The following LRRC37A2 variants were observed in gnomAD, a reference collection of about 807,000 sequenced individuals.
The protein encoded by LRRC37A2 is leucine rich repeat containing 37 member A2.
A neutral mutation model predicts 68.8 loss-of-function variants in LRRC37A2; 9 were observed. The observed-to-expected ratio is 0.13, with a 90% confidence interval of 0.08 to 0.23. The LOEUF is 0.23. Ranked by LOEUF, LRRC37A2 falls within the 10% of genes least tolerant of loss-of-function variation. The probability of loss-of-function intolerance (pLI) is 1.00; values close to 1 mark genes in which losing one functional copy is unlikely to be tolerated. For missense variants in LRRC37A2, 168 were observed against 950.4 expected (o/e 0.18, Z 10.82); for synonymous variants, 63 against 367.6 (o/e 0.17, Z 9.48).
the LRRC37A2 span, among the ~76,000 whole-genome samples, chr17:46,760,305 T>C: frequency 2.0e-5 from 3 of 151,956 alleles, no homozygotes; most frequent in South Asian, 6.2e-4. Flanking sequence ...TTAGTATGAA[T>C]AGGGACCATT....
the LRRC37A2 span, among the ~76,000 whole-genome samples, chr17:46,871,038 G>A: frequency 6.7e-6 from 1 of 149,812 alleles, no homozygotes. Context: ...AGCCTCCCAA[G>A]TAGCTGGGAC....
chr17:46,935,072 A>G, the LRRC37A2 span: 1 of 1,612,248 alleles, frequency 6.2e-7, no homozygotes, highest in South Asian at 1.1e-5. Context: ...CTGCAGTTTA[A>G]CTCCTCCCTC....
the LRRC37A2 span, among the ~76,000 whole-genome samples, chr17:46,771,826 C>G: frequency 7.0e-6 from 1 of 143,186 alleles, no homozygotes; most frequent in African/African-American, 2.5e-5. Flanking sequence ...GGCGGCCGCG[C>G]GGTGGGGGGG....
the LRRC37A2 span, chr17:46,768,882 C>A: frequency 6.4e-7 from 1 of 1,553,876 alleles, no homozygotes; most frequent in Middle Eastern, 2.3e-4. The surrounding 1 kb of genome is among the most constrained non-coding windows in gnomAD (Gnocchi z 5.0). Flanking sequence ...CCACTGCCCA[C>A]CCCCTTCCCT....
the LRRC37A2 span, chr17:46,935,272 A>C: frequency 6.2e-7 from 1 of 1,600,580 alleles, no homozygotes; most frequent in Non-Finnish European, 8.5e-7. Context: ...TCAAATTGTG[A>C]TATTTTGATG....
the LRRC37A2 span, among the ~76,000 whole-genome samples, chr17:46,796,999 T>A: frequency 6.6e-6 from 1 of 152,150 alleles, no homozygotes; most frequent in African/African-American, 2.4e-5. Flanking sequence ...CTCGATCCCA[T>A]TTTCCAAATG....
the LRRC37A2 span, among the ~76,000 whole-genome samples, chr17:46,861,940 G>A: frequency 6.6e-6 from 1 of 152,134 alleles, no homozygotes; most frequent in Non-Finnish European, 1.5e-5. Flanking sequence ...GAGGCAGGTG[G>A]ATCACCTGAG....
chr17:46,768,167 C>T, the LRRC37A2 span: 2 of 1,213,828 alleles, frequency 1.6e-6, no homozygotes, highest in Non-Finnish European at 2.3e-6. This position sits in a 1 kb window ranked among gnomAD's most constrained non-coding sequence, Gnocchi z 5.0. Context: ...CTTGAAAAAT[C>T]CTAGCTTCCT....
At chr17:46,717,508 C>G in the LRRC37A2 span, among the ~76,000 whole-genome samples, 1 of 152,036 alleles carries the variant, frequency 6.6e-6, no homozygotes, top group African/African-American at 2.4e-5. Flanking sequence ...GTCAGGAGTT[C>G]GAGACCAGCC....
the LRRC37A2 span, chr17:46,941,998 AAATT>A: frequency 2.1e-6 from 2 of 973,554 alleles, no homozygotes; most frequent in South Asian, 9.5e-5. Flanking sequence ...AGTCCAAAAT[AAATT>A]CTTACTGTTT....
the LRRC37A2 span, among the ~76,000 whole-genome samples, chr17:46,875,657 A>G: frequency 1.3e-5 from 2 of 152,206 alleles, no homozygotes; most frequent in Non-Finnish European, 1.5e-5. Flanking sequence ...AAGCAGGGAC[A>G]TGTTTGGAGA....
the LRRC37A2 span, chr17:46,923,956 A>G: frequency 6.1e-4 from 242 of 398,262 alleles, 2 homozygotes; most frequent in African/African-American, 4.8e-3. Flanking sequence ...ACGGAATTTT[A>G]TGATTTTTAT....
the LRRC37A2 span, chr17:46,711,008 G>A: frequency 3.1e-5 from 49 of 1,596,538 alleles, no homozygotes; most frequent in East Asian, 4.6e-5. Flanking sequence ...CATTATGAAC[G>A]GTATCATCAA....
chr17:46,718,933 T>C, the LRRC37A2 span, among the ~76,000 whole-genome samples: 1 of 152,218 alleles, frequency 6.6e-6, no homozygotes, highest in African/African-American at 2.4e-5. Context: ...ATTAGTATTG[T>C]AAAGATTTTT....
chr17:46,905,936 G>T, the LRRC37A2 span, among the ~76,000 whole-genome samples: 1 of 152,148 alleles, frequency 6.6e-6, no homozygotes, highest in Non-Finnish European at 1.5e-5. Context: ...AGCAATGAGG[G>T]AGTGGCCAGG....
the LRRC37A2 span, among the ~76,000 whole-genome samples, chr17:46,741,911 A>G: frequency 9.9e-5 from 15 of 152,268 alleles, no homozygotes; most frequent in Middle Eastern, 3.4e-3. Context: ...GATTACAGGC[A>G]TGTGCCACCA....
At chr17:46,709,076 G>A in the LRRC37A2 span, among the ~76,000 whole-genome samples, 6 of 151,626 alleles carry the variant, frequency 4.0e-5, no homozygotes, top group African/African-American at 1.5e-4. Flanking sequence ...ACCCACCTTG[G>A]CCTCCCAAAG....
the LRRC37A2 span, among the ~76,000 whole-genome samples, chr17:46,742,808 A>G: frequency 6.6e-6 from 1 of 152,246 alleles, no homozygotes; most frequent in Admixed American, 6.5e-5. Context: ...GGCTAGAAAC[A>G]AGATTCAGGC....
chr17:46,688,172 A>G, the LRRC37A2 span, among the ~76,000 whole-genome samples: 4 of 145,572 alleles, frequency 2.7e-5, no homozygotes, highest in South Asian at 6.5e-4. Context: ...ATAGCTAGGA[A>G]TCTTTATGAA....
Sources: allele counts gnomAD v4.1 joint callset (sites outside exome capture counted in the v4.1 genomes callset), GRCh38; gene constraint gnomAD v4.1.1; non-coding constraint Gnocchi (gnomAD v3.1); transcripts MANE v1.5; gene names NCBI Gene and HGNC (gene_info 2026-07-23, HGNC 2026-07-21).